Variants in MCM9 observed in about 807,000 individuals in gnomAD.
The protein encoded by MCM9 is DNA helicase MCM9.
A neutral mutation model predicts 72.8 loss-of-function variants in MCM9; 55 were observed. That is an observed-to-expected ratio of 0.76 (90% CI 0.61 to 0.95). MCM9 has a LOEUF of 0.95. MCM9 is among the 40% of genes least tolerant of loss of function. The pLI is 0.00. For synonymous variants in MCM9, 480 were observed against 503.4 expected, an observed-to-expected ratio of 0.95 and a Z score of 0.62; for missense variants, 1,279 against 1,377.0, an observed-to-expected ratio of 0.93 and a Z score of 1.13.
chr6:118,864,088 G>A (rs1777068491), intron 8 of MCM9, among the ~76,000 whole-genome samples: 1 of 151,236 alleles, frequency 6.6e-6, no homozygotes, highest in South Asian at 2.1e-4. Flanking sequence ...TAGTTTTTGG[G>A]GTACAGGTGG....
chr6:118,864,565 A>G (rs1777099757), intron 8 of MCM9, among the ~76,000 whole-genome samples: 1 of 152,022 alleles, frequency 6.6e-6, no homozygotes, highest in Non-Finnish European at 1.5e-5. Context: ...GGCGACTAAG[A>G]AAATTTCCAC....
chr6:118,838,159 CTT>C (rs759862698), intron 9 of MCM9, among the ~76,000 whole-genome samples: 13 of 119,692 alleles, frequency 1.1e-4, no homozygotes, highest in Non-Finnish European at 1.1e-4. Flanking sequence ...GTTGAAAATT[CTT>C]TTTTTTTTTT....
chr6:118,920,212 A>G (rs1025450700), intron 5 of MCM9: 1 of 152,244 alleles, frequency 6.6e-6, no homozygotes, highest in Non-Finnish European at 1.5e-5. Context: ...GTCCTATATG[A>G]GCAAGGTATT....
At chr6:118,817,707 T>C (rs1773502579) in intron 13 of MCM9, among the ~76,000 whole-genome samples, 2 of 152,224 alleles carry the variant, frequency 1.3e-5, no homozygotes, top group Admixed American at 6.5e-5. Context: ...CCTTGAGGAA[T>C]CGCCACACTG....
chr6:118,918,172 AT>A (rs1341634203), intron 5 of MCM9: 1 of 166,302 alleles, frequency 6.0e-6, no homozygotes, highest in East Asian at 1.7e-4. Flanking sequence ...TTAAACTATA[AT>A]TTGGAGTCAG....
chr6:118,921,737 C>T (rs749071976), intron 5 of MCM9: 5 of 278,872 alleles, frequency 1.8e-5, no homozygotes, highest in Non-Finnish European at 3.3e-5. Flanking sequence ...ATTCATGTTC[C>T]AGTTATGCCA....
intron 5 of MCM9, chr6:118,920,403 A>G (rs1221778453): frequency 6.6e-6 from 1 of 152,256 alleles, no homozygotes; most frequent in Non-Finnish European, 1.5e-5. Flanking sequence ...CAAAACTGTG[A>G]GAAATAAATA....
intron 9 of MCM9, among the ~76,000 whole-genome samples, chr6:118,853,342 A>G (rs1388891834): frequency 6.6e-6 from 1 of 152,178 alleles, no homozygotes; most frequent in Non-Finnish European, 1.5e-5. Flanking sequence ...AAACAACGTA[A>G]GTCCTCCAAA....
chr6:118,830,246 G>T (rs1774452083), intron 9 of MCM9, among the ~76,000 whole-genome samples: 1 of 152,140 alleles, frequency 6.6e-6, no homozygotes, highest in Admixed American at 6.5e-5. Context: ...GTTATAGTGG[G>T]ATGTCTGCCT....
At chr6:118,869,507 A>G (rs920966474) in intron 8 of MCM9, among the ~76,000 whole-genome samples, 3 of 151,662 alleles carry the variant, frequency 2.0e-5, no homozygotes, top group Non-Finnish European at 2.9e-5. Context: ...CCTATAACAG[A>G]TACACAAAAG....
rs1773266249 is a variant in MCM9 at position 118,814,105 on chromosome 6, T to A, written c.*719A>T. 1 of 152,030 alleles carries A rather than the reference T, an allele frequency of 6.6e-6. No homozygotes were observed. The highest frequency in any genetic ancestry group is 1.5e-5 in the Non-Finnish European group (1 of 68,012). The allele number at this position is 152,030 out of a possible 1,614,324, so 9.4% of individuals were successfully genotyped here. ...TCACAGTATTTTACTTGGTTGAAGGTAGGCCCCCAAGAGAAAAAAGAATCT... is the reference window on the plus strand; with the variant it reads ...TCACAGTATTTTACTTGGTTGAAGGAAGGCCCCCAAGAGAAAAAAGAATCT... On this transcript the variant is annotated 3_prime_UTR_variant, in exon 14 of 14. Coordinates refer to ENST00000619706, the MANE Select transcript of MCM9 (RefSeq NM_017696.3).
chr6:118,877,888 T>C (rs1256558182), intron 8 of MCM9, among the ~76,000 whole-genome samples: 1 of 152,110 alleles, frequency 6.6e-6, no homozygotes, highest in Non-Finnish European at 1.5e-5. Flanking sequence ...CTAGGCCTGG[T>C]GTGGTGGCTC....
chr6:118,843,815 T>C (rs894966350), intron 9 of MCM9, among the ~76,000 whole-genome samples: 1 of 149,122 alleles, frequency 6.7e-6, no homozygotes, highest in Non-Finnish European at 1.5e-5. Context: ...GAAATGATAA[T>C]TCAAATCAAA....
intron 7 of MCM9, chr6:118,912,830 A>G (rs949275621): frequency 6.4e-6 from 1 of 157,316 alleles, no homozygotes; most frequent in African/African-American, 2.4e-5. Context: ...GCAGCACCCC[A>G]TGGCAGATGG....
intron 8 of MCM9, among the ~76,000 whole-genome samples, chr6:118,888,418 C>T (rs932041438): frequency 1.3e-5 from 2 of 152,070 alleles, no homozygotes; most frequent in Non-Finnish European, 2.9e-5. Context: ...ACCTGGGAGG[C>T]AGAGCTTGCA....
rs759862698 is a variant in MCM9 at position 118,838,159 on chromosome 6, CT to C, written c.1326-8910del. ...CATGTTAAATTTTGGGTTGAAAATT[CT>C]TTTTTTTTTTTTTTTTTTGAGACGG... On this transcript the variant is annotated intron_variant, in intron 9 of 13. Coordinates refer to ENST00000619706, the MANE Select transcript of MCM9 (RefSeq NM_017696.3). Among the ~76,000 whole-genome samples, 1,075 of 119,698 alleles carry C rather than the reference CT, an allele frequency of 9.0e-3. 6 individuals are homozygous for C. The highest frequency in any genetic ancestry group is 0.018 in the Admixed American group (216 of 11,814). 78.5% of individuals were successfully genotyped at this position (119,698 alleles called of 152,430 possible). A position where few individuals can be genotyped will look rare whatever the true frequency, so the allele number is the denominator to read the frequency against.
At chr6:118,911,620 T>C (rs1349332869) in intron 8 of MCM9, 30 bp downstream of exon 8, 3 of 1,591,652 alleles carry the variant, frequency 1.9e-6, no homozygotes, top group Admixed American at 1.7e-5. Flanking sequence ...GAAGTAATGT[T>C]AAATTACTTG....
rs545973556 is a variant in MCM9 at position 118,880,605 on chromosome 6, A to T, written c.1151-24060T>A. 3.9e-5 allele frequency among the ~76,000 whole-genome samples: 6 copies of T among 152,358 alleles called. No individual in the cohort carries two copies. The East Asian group carries it at 9.6e-4, about 24-fold the overall frequency. ...TTCCTTGAATGCAAAAGACAGAAGG[A>T]AAACAAAGTTGTCTCTTTGTCTCTG... On this transcript the variant is annotated intron_variant, in intron 8 of 13. Coordinates refer to ENST00000619706, the MANE Select transcript of MCM9 (RefSeq NM_017696.3).
At chr6:118,855,547 T>A (rs1016917400) in intron 9 of MCM9, among the ~76,000 whole-genome samples, 94 of 152,160 alleles carry the variant, frequency 6.2e-4, no homozygotes, top group African/African-American at 2.1e-3. Flanking sequence ...CCTCCATTAA[T>A]TTTTTGCTGG....
Sources: gnomAD v4.1 joint callset for allele counts (sites outside exome capture counted in the v4.1 genomes callset) on GRCh38, gnomAD v4.1.1 for gene constraint, MANE v1.5 for transcripts, NCBI Gene and HGNC (gene_info 2026-07-23, HGNC 2026-07-21) for gene names.